L1TD1: variants seen among roughly 807,000 people sequenced by gnomAD.
The protein encoded by L1TD1 is LINE-1 type transposase domain-containing protein 1.
A neutral mutation model predicts 25.7 loss-of-function variants in L1TD1; 26 were observed. The ratio of observed to expected loss-of-function variants is 1.01; its 90% confidence interval spans 0.74 to 1.40. L1TD1 has a LOEUF of 1.40. Ranked by LOEUF, L1TD1 falls within the 40% of genes most tolerant of loss-of-function variation. L1TD1 has a pLI of 0.00. For synonymous variants in L1TD1, 421 were observed against 335.6 expected, an observed-to-expected ratio of 1.25 and a Z score of -2.78; for missense variants, 1,130 against 975.0, an observed-to-expected ratio of 1.16 and a Z score of -2.12.
chr1:62,196,809 C>T (rs1670551784), intron 2 of L1TD1, among the ~76,000 whole-genome samples: 1 of 151,972 alleles, frequency 6.6e-6, no homozygotes, highest in Admixed American at 6.6e-5. Context: ...CCAGGGTGGT[C>T]TCGAGCTCCT....
At position 62,210,970 on chromosome 1, in the gene L1TD1, AAAG is replaced by A; in HGVS notation, c.2199_2201del (p.Lys734del). On this transcript the variant is annotated inframe_deletion, in exon 4 of 4. Transcript: ENST00000498273. ...TAATTGATGAAAACTTTGCAGAACT[AAAG>A]AAAGGTTCAAGTCTTGAGATTGTCA... is the stretch of plus-strand genomic sequence containing the variant. The A allele has an allele frequency of 6.5e-7, 1 of 1,545,676 alleles. No individual in the cohort carries two copies. The highest frequency in any genetic ancestry group is 8.7e-7 in the Non-Finnish European group (1 of 1,145,636).
intron 2 of L1TD1, among the ~76,000 whole-genome samples, chr1:62,203,674 G>A (rs1482110925): frequency 6.6e-6 from 1 of 152,216 alleles, no homozygotes; most frequent in Non-Finnish European, 1.5e-5. Context: ...TGCCTCCCAG[G>A]TTCATGCCAT....
In L1TD1 at chr1:62,211,508, A is replaced by G. The variant is rs145347309; in HGVS notation, c.*136A>G. Reference sequence around the variant, plus strand: ...TACTTGGGGATGAGGAGCAAGGAATATTACAGATATTACCTAGATGTTAAT... The same window carrying G: ...TACTTGGGGATGAGGAGCAAGGAATGTTACAGATATTACCTAGATGTTAAT... On this transcript the variant is annotated 3_prime_UTR_variant, in exon 4 of 4. Coordinates refer to ENST00000498273, the MANE Select transcript of L1TD1 (RefSeq NM_019079.5). The G allele has an allele frequency of 3.2e-4, 446 of 1,377,934 alleles. No individual in the cohort carries two copies. Among genetic ancestry groups the G allele is most frequent in the Non-Finnish European group, 4.1e-4 (425 of 1,034,444 alleles). The allele number at this position is 1,377,934 out of a possible 1,614,324, so 85.4% of individuals were successfully genotyped here. A position where few individuals can be genotyped will look rare whatever the true frequency, so the allele number is the denominator to read the frequency against.
rs746379678 is a variant in L1TD1, at chr1:62,210,570, CAGA to C, written c.1801_1803del (p.Glu601del). 3 of 1,613,108 alleles carry C rather than the reference CAGA, an allele frequency of 1.9e-6. No individual in the cohort carries two copies. Among genetic ancestry groups the C allele is most frequent in the South Asian group, 1.1e-5 (1 of 90,878 alleles). ...GAAAAGAAACACAGAACTCTGCACACAGAAGAACTAACATCCAAAGAAGCAGAC... is the reference window on the plus strand; with the variant it reads ...GAAAAGAAACACAGAACTCTGCACACAGAACTAACATCCAAAGAAGCAGAC... On this transcript the variant is annotated inframe_deletion, in exon 4 of 4. Coordinates refer to ENST00000498273, the MANE Select transcript of L1TD1 (RefSeq NM_019079.5).
chr1:62,205,373 T>TTCTCTCTCCCTCTCTCTCTCTC (rs1440066628), intron 2 of L1TD1, among the ~76,000 whole-genome samples: 2 of 90,182 alleles, frequency 2.2e-5, no homozygotes, highest in African/African-American at 3.9e-5. Context: ...AAAACTCTCT[T>TTCTCTCTCCCTCTCTCTCTCTC]TCTCTCTCTC....
In L1TD1 at chr1:62,205,368, T is replaced by TCC. The variant is rs1357517238; in HGVS notation, c.-110-1150_-110-1149insCC. Reference sequence around the variant, plus strand: ...AAAACAAAATAAAACCAACGAAAACTCTCTTTCTCTCTCTCTCTCTTTCTC... The same window carrying TCC: ...AAAACAAAATAAAACCAACGAAAACTCCCTCTTTCTCTCTCTCTCTCTTTCTC... On this transcript the variant is annotated intron_variant, in intron 2 of 3. Transcript: ENST00000498273. Among the ~76,000 whole-genome samples the TCC allele has an allele frequency of 7.8e-4, 76 of 97,178 alleles. 1 individual carries two copies. The highest frequency in any genetic ancestry group is 2.7e-3 in the African/African-American group (73 of 26,708). The allele number at this position is 97,178 out of a possible 152,430, so 63.8% of individuals were successfully genotyped here.
In L1TD1 at chr1:62,207,549, T is replaced by A. The variant is rs1161564288; in HGVS notation, c.921T>A (p.Ser307=). 6 of 1,551,150 alleles carry A rather than the reference T, an allele frequency of 3.9e-6. No individual in the cohort carries two copies. Among genetic ancestry groups the A allele is most frequent in the African/African-American group, 1.4e-5 (1 of 73,012 alleles). ...QSLRKFASQK[S]SVKELLKDVL... is the part of the protein sequence containing the mutation. Reference sequence around the variant, plus strand: ...TTAGAAAATTTGCCAGCCAAAAATCTTCTGTGAAAGAATTACTGAAAGATG... The same window carrying A: ...TTAGAAAATTTGCCAGCCAAAAATCATCTGTGAAAGAATTACTGAAAGATG... Residue 307 remains serine (S), a synonymous_variant, in exon 3 of 4, where the codon TCT becomes TCA. Coordinates refer to ENST00000498273, the MANE Select transcript of L1TD1 (RefSeq NM_019079.5).
intron 3 of L1TD1, chr1:62,208,344 A>T (rs12728092): frequency 0.18 from 28,130 of 152,470 alleles, 3,238 homozygotes; most frequent in Middle Eastern, 0.29. Context: ...GTGTTTGGTC[A>T]GGTGCCTGAA....
chr1:62,197,624 A>T (rs1298941891), intron 2 of L1TD1, among the ~76,000 whole-genome samples: 2 of 151,908 alleles, frequency 1.3e-5, no homozygotes, highest in African/African-American at 4.8e-5. Flanking sequence ...CACCGCACCC[A>T]GCCCAGCACT....
At position 62,210,819 on chromosome 1, in the gene L1TD1, A is replaced by G. The variant is rs1310709088; in HGVS notation, c.2045A>G (p.Lys682Arg). ...EFSKDTMQMT[K>R]QIISKERQRD... Reference sequence around the variant, plus strand: ...TCTAAGGATACAATGCAAATGACCAAACAGATAATTAGTAAAGAAAGGCAA... The same window carrying G: ...TCTAAGGATACAATGCAAATGACCAGACAGATAATTAGTAAAGAAAGGCAA... The change falls in exon 4 of 4, where the codon AAA becomes AGA. Residue 682 changes from lysine (K) to arginine (R), a missense_variant. Physicochemically the swap from Lys to Arg is conservative, Grantham distance 26. Transcript: ENST00000498273. The G allele has an allele frequency of 9.7e-6, 15 of 1,549,528 alleles. No individual in the cohort carries two copies. The highest frequency in any genetic ancestry group is 1.3e-5 in the Non-Finnish European group (15 of 1,146,602).
intron 3 of L1TD1, chr1:62,208,273 G>A (rs1670790357): frequency 6.5e-6 from 1 of 152,690 alleles, no homozygotes; most frequent in Non-Finnish European, 1.5e-5. Context: ...CAACTCCGTG[G>A]TGTGATACTC....
intron 2 of L1TD1, among the ~76,000 whole-genome samples, chr1:62,196,782 G>A (rs1227926273): frequency 6.6e-6 from 1 of 151,908 alleles, no homozygotes; most frequent in African/African-American, 2.4e-5. Flanking sequence ...TAGTAGAGAC[G>A]GGGTTTTGCC....
At chr1:62,195,910 G>A (rs1440300507) in intron 1 of L1TD1, among the ~76,000 whole-genome samples, 1 of 151,948 alleles carries the variant, frequency 6.6e-6, no homozygotes, top group Admixed American at 6.6e-5. Context: ...GTTGGCTCGC[G>A]CCTGTAGTCC....
chr1:62,209,739 T>C, intron 3 of L1TD1, 44 bp from the exon 4 acceptor site: 1 of 1,369,944 alleles, frequency 7.3e-7, no homozygotes, highest in South Asian at 1.5e-5. Flanking sequence ...AGACAAATGA[T>C]TTAAACAAAT....
At chr1:62,197,941 G>A (rs1670574639) in intron 2 of L1TD1, among the ~76,000 whole-genome samples, 1 of 152,056 alleles carries the variant, frequency 6.6e-6, no homozygotes, top group African/African-American at 2.4e-5. Flanking sequence ...CCACTGCTGA[G>A]GGAATTACTT....
chr1:62,200,449 G>A lies in L1TD1; in HGVS notation c.-111+3921G>A, dbSNP rs185968025. Among the ~76,000 whole-genome samples the A allele has an allele frequency of 1.7e-3, 258 of 152,212 alleles. 5 individuals carry two copies. Among genetic ancestry groups the A allele is most frequent in the Admixed American group, 0.015 (231 of 15,270 alleles). On this transcript the variant is annotated intron_variant, in intron 2 of 3. Transcript: ENST00000498273. The stretch of plus-strand genomic sequence containing the variant: ...GCCTTCCAAAGTGCAGGAATTACAG[G>A]CGTGAGCCACTGTGCCTGGCCATAA...
In L1TD1 at chr1:62,210,612, C is replaced by G; in HGVS notation, c.1838C>G (p.Thr613Arg). The G allele has an allele frequency of 6.2e-7, 1 of 1,604,176 alleles. No individual in the cohort carries two copies. The highest frequency in any genetic ancestry group is 1.1e-5 in the South Asian group (1 of 89,920). ...AAAGAAGCAGACTTAACAGAGGAAA[C>G]AGAAGAAAACTTGAGAAGTAGTGTG... is the stretch of plus-strand genomic sequence containing the variant. Reference protein sequence around the residue: ...TSKEADLTEETEENLRSSVIN... With the variant: ...TSKEADLTEEREENLRSSVIN... The change falls in exon 4 of 4, where the codon ACA becomes AGA. Residue 613 changes from threonine (T) to arginine (R), a missense_variant. By Grantham distance (71) the Thr-to-Arg change is moderately conservative (BLOSUM62 -1). Transcript: ENST00000498273.
chr1:62,209,569 CAAG>C (rs1165514441), intron 3 of L1TD1, among the ~76,000 whole-genome samples: 1 of 152,038 alleles, frequency 6.6e-6, no homozygotes, highest in African/African-American at 2.4e-5. Context: ...CAAGATTACA[CAAG>C]AAATGACAAA....
At position 62,212,050 on chromosome 1, in the gene L1TD1, A is replaced by C. The variant is rs1570934539; in HGVS notation, c.*678A>C. On this transcript the variant is annotated 3_prime_UTR_variant, in exon 4 of 4. Coordinates refer to ENST00000498273, the MANE Select transcript of L1TD1 (RefSeq NM_019079.5). Reference sequence around the variant, plus strand: ...CTGCACCTGTCAAGATAACCTGTCAATGTAGTAGGAAAACAGGAGGGGACA... The same window carrying C: ...CTGCACCTGTCAAGATAACCTGTCACTGTAGTAGGAAAACAGGAGGGGACA... The C allele has an allele frequency of 6.6e-6, 1 of 152,398 alleles. No individual in the cohort carries two copies. The highest frequency in any genetic ancestry group is 1.9e-4 in the East Asian group (1 of 5,184). The allele number at this position is 152,398 out of a possible 1,614,324, so 9.4% of individuals were successfully genotyped here.
Sources: allele counts gnomAD v4.1 joint callset (sites outside exome capture counted in the v4.1 genomes callset), GRCh38; gene constraint gnomAD v4.1.1; transcripts MANE v1.5; gene names NCBI Gene and HGNC (gene_info 2026-07-23, HGNC 2026-07-21).